The following ARHGAP22 variants were observed in gnomAD, a reference collection of about 807,000 sequenced individuals.
ARHGAP22 encodes the protein rho GTPase-activating protein 22.
A neutral mutation model predicts 59.1 loss-of-function variants in ARHGAP22; 48 were observed. The ratio of observed to expected loss-of-function variants is 0.81; its 90% CI spans 0.64 to 1.03. The LOEUF (loss-of-function observed/expected upper bound fraction) is 1.03, where lower values mean the gene tolerates loss of function less well. Ranked by LOEUF, ARHGAP22 falls within the 50% of genes least tolerant of loss-of-function variation. The pLI is 0.00. For missense variants in ARHGAP22, 1,015 were observed against 958.7 expected, an observed-to-expected ratio of 1.06 and a Z score of -0.78; for synonymous variants, 445 against 416.4, an observed-to-expected ratio of 1.07 and a Z score of -0.84.
intron 4 of ARHGAP22, among the ~76,000 whole-genome samples, chr10:48,473,539 GAACGCTGAGGACTATTT>G (rs1308634838): frequency 4.0e-5 from 3 of 74,238 alleles, no homozygotes; most frequent in Admixed American, 1.2e-4. Context: ...AGTACTCAGA[GAACGCTGAGGACTATTT>G]AGTACTCAGA....
chr10:48,516,728 A>G (rs2053325496), intron 3 of ARHGAP22, among the ~76,000 whole-genome samples: 1 of 152,214 alleles, frequency 6.6e-6, no homozygotes, highest in African/African-American at 2.4e-5. Context: ...GAAGAAAGGG[A>G]ATAGTTCTCA....
intron 1 of ARHGAP22, among the ~76,000 whole-genome samples, chr10:48,637,696 G>A (rs796308161): frequency 1.3e-5 from 2 of 152,226 alleles, no homozygotes; most frequent in African/African-American, 4.8e-5. Context: ...TGGATGAATT[G>A]TGGATGAATG....
intron 3 of ARHGAP22, among the ~76,000 whole-genome samples, chr10:48,539,415 C>G (rs1017710167): frequency 3.3e-5 from 5 of 149,872 alleles, no homozygotes; most frequent in Middle Eastern, 3.4e-3. Flanking sequence ...CCTCAGCCTC[C>G]CAAGTAGCTG....
chr10:48,582,802 A>T (rs932671110), intron 2 of ARHGAP22, 151 bp downstream of exon 2: 2 of 827,082 alleles, frequency 2.4e-6, no homozygotes, highest in African/African-American at 3.4e-5. Flanking sequence ...AACATGGGGG[A>T]TAAGAATGAA....
rs77655221 is a variant in ARHGAP22 at position 48,536,316 on chromosome 10, G to A, written c.322+19147C>T. Among the ~76,000 whole-genome samples, 750 of 152,360 alleles carry A rather than the reference G, an allele frequency of 4.9e-3. 4 individuals are homozygous for A. The highest frequency in any genetic ancestry group is 0.014 in the African/African-American group (591 of 41,588). On this transcript the variant is annotated intron_variant, in intron 3 of 9. Transcript: ENST00000249601. ...GGGGGTTGAGCCTGTGGAGCTGCCA[G>A]CAGGGGAAGGAAAGGGCTGCCAAGT... is the stretch of plus-strand genomic sequence containing the variant.
chr10:48,431,462 T>G, the ARHGAP22 span, among the ~76,000 whole-genome samples: 1 of 152,248 alleles, frequency 6.6e-6, no homozygotes, highest in Admixed American at 6.5e-5. Context: ...GTTCATAAGA[T>G]GCACATCTTT....
At chr10:48,608,346 T>C (rs572815662), upstream of ARHGAP22, among the ~76,000 whole-genome samples, 56 of 152,248 alleles carry the variant, frequency 3.7e-4, no homozygotes, top group South Asian at 0.011. Flanking sequence ...GTAAGGAGGC[T>C]GAATTTGGGC....
chr10:48,468,170 C>T (rs1409461268), intron 4 of ARHGAP22, among the ~76,000 whole-genome samples: 1 of 152,208 alleles, frequency 6.6e-6, no homozygotes, highest in African/African-American at 2.4e-5. Flanking sequence ...CCACCACATT[C>T]CTGCCTTTAT....
chr10:48,648,918 T>C (rs1268683731), intron 1 of ARHGAP22, among the ~76,000 whole-genome samples: 1 of 152,088 alleles, frequency 6.6e-6, no homozygotes, highest in Non-Finnish European at 1.5e-5. Flanking sequence ...GATGTGACAG[T>C]GCTGATTGGA....
At chr10:48,487,130 A>C (rs11817012) in intron 3 of ARHGAP22, among the ~76,000 whole-genome samples, 15 of 152,050 alleles carry the variant, frequency 9.9e-5, no homozygotes, top group African/African-American at 3.6e-4. Context: ...TTGGTACTTC[A>C]AATACGTGTT....
At chr10:48,440,829 G>A in the ARHGAP22 span, among the ~76,000 whole-genome samples, 14 of 152,322 alleles carry the variant, frequency 9.2e-5, no homozygotes, top group Admixed American at 3.3e-4. Context: ...TAGGCTGGAG[G>A]TGTGGACATT....
intron 3 of ARHGAP22, among the ~76,000 whole-genome samples, chr10:48,512,888 C>T (rs2052923845): frequency 1.3e-5 from 2 of 152,304 alleles, no homozygotes; most frequent in East Asian, 1.9e-4. Flanking sequence ...GGGACAAGGC[C>T]GCATCTAGAG....
intron 3 of ARHGAP22, among the ~76,000 whole-genome samples, chr10:48,518,760 A>C (rs1418435047): frequency 6.6e-6 from 1 of 152,184 alleles, no homozygotes; most frequent in East Asian, 1.9e-4. Flanking sequence ...GGAGTTGAGG[A>C]GGGTCCATGT....
At chr10:48,598,252 C>T (rs1189899369) in intron 1 of ARHGAP22, among the ~76,000 whole-genome samples, 2 of 152,152 alleles carry the variant, frequency 1.3e-5, no homozygotes, top group Non-Finnish European at 2.9e-5. Context: ...GGGGAAGAGG[C>T]TTGAGTTTGC....
chr10:48,548,293 C>T (rs1389973184), intron 3 of ARHGAP22, among the ~76,000 whole-genome samples: 1 of 152,144 alleles, frequency 6.6e-6, no homozygotes, highest in Admixed American at 6.5e-5. Flanking sequence ...TAGAGTTAGC[C>T]AGAGCTGGCT....
chr10:48,432,422 T>A, the ARHGAP22 span, among the ~76,000 whole-genome samples: 1 of 152,178 alleles, frequency 6.6e-6, no homozygotes, highest in Non-Finnish European at 1.5e-5. Context: ...TCTTCCAGAT[T>A]ATAGTGTAGA....
chr10:48,652,014 C>G (rs1283102707), intron 1 of ARHGAP22, among the ~76,000 whole-genome samples: 2 of 152,130 alleles, frequency 1.3e-5, no homozygotes, highest in Admixed American at 1.3e-4. Context: ...CCTGAAGTCT[C>G]TGTTTTTCAG....
At chr10:48,638,039 G>T (rs1264914525) in intron 1 of ARHGAP22, among the ~76,000 whole-genome samples, 2 of 152,074 alleles carry the variant, frequency 1.3e-5, no homozygotes, top group Non-Finnish European at 2.9e-5. Context: ...AGCTCTCCCT[G>T]CTCTGGTCTC....
intron 3 of ARHGAP22, among the ~76,000 whole-genome samples, chr10:48,534,541 T>C (rs988103725): frequency 1.3e-5 from 2 of 152,152 alleles, no homozygotes; most frequent in African/African-American, 4.8e-5. Context: ...GACCCTACCA[T>C]GCACTCAGGG....
Sources: gnomAD v4.1 joint callset for allele counts (sites outside exome capture counted in the v4.1 genomes callset) on GRCh38, gnomAD v4.1.1 for gene constraint, MANE v1.5 for transcripts, NCBI Gene and HGNC (gene_info 2026-07-23, HGNC 2026-07-21) for gene names.